Variants in WASF3 observed in about 807,000 individuals in gnomAD.
WASF3 encodes actin-binding protein WASF3.
Under a neutral mutation model 46.6 loss-of-function variants are expected in WASF3, and 11 were observed. The ratio of observed to expected loss-of-function variants is 0.24; its 90% confidence interval spans 0.15 to 0.39. The LOEUF is 0.39. WASF3 is among the 10% of genes least tolerant of loss of function. The pLI is 1.00. For synonymous variants in WASF3, 242 were observed against 259.7 expected (o/e 0.93, Z 0.65); for missense variants, 576 against 669.8 (o/e 0.86, Z 1.55).
rs370547480 is a variant in WASF3 at position 26,642,423 on chromosome 13, A to T, written c.133+20A>T. The T allele has an allele frequency of 1.9e-6, 3 of 1,569,580 alleles. No homozygotes were observed. Among genetic ancestry groups the T allele is most frequent in the Admixed American group, 2.1e-5 (1 of 47,914 alleles). On this transcript the variant is annotated intron_variant, in intron 3 of 9. Transcript: ENST00000335327. The stretch of plus-strand genomic sequence containing the variant: ...GTCTGAGTAAGCCATCTTTTTTCTG[A>T]TTACCAATGACATTAACTTTTTGTT...
intron 2 of WASF3, among the ~76,000 whole-genome samples, chr13:26,616,158 A>G (rs895850993): frequency 6.6e-6 from 1 of 152,214 alleles, no homozygotes; most frequent in South Asian, 2.1e-4. Context: ...GGATCGTGTG[A>G]TAAGTGTATG....
intron 1 of WASF3, among the ~76,000 whole-genome samples, chr13:26,572,677 C>T (rs931046508): frequency 1.3e-5 from 2 of 151,948 alleles, no homozygotes; most frequent in African/African-American, 2.4e-5. Context: ...GCGATTCTGC[C>T]GAGTAGCTGA....
rs1883443750 is a variant in WASF3 at position 26,687,485 on chromosome 13, A to G, written c.*1640A>G. The G allele has an allele frequency of 6.6e-6, 1 of 152,120 alleles. No individual in the cohort carries two copies. Among genetic ancestry groups the G allele is most frequent in the Admixed American group, 6.5e-5 (1 of 15,278 alleles). The allele number at this position is 152,120 out of a possible 1,614,324, so 9.4% of individuals were successfully genotyped here. ...GGGCTTGTGGGCAGTGATTGTACAG[A>G]GCCTGTCCATTGGGTGCAGTCATGT... On this transcript the variant is annotated 3_prime_UTR_variant, in exon 10 of 10. Coordinates refer to ENST00000335327, the MANE Select transcript of WASF3 (RefSeq NM_006646.6).
chr13:26,587,610 A>G (rs1285842940), intron 1 of WASF3, among the ~76,000 whole-genome samples: 1 of 152,190 alleles, frequency 6.6e-6, no homozygotes, highest in African/African-American at 2.4e-5. Flanking sequence ...ATTATGATTG[A>G]AATAAGGATG....
In WASF3 at chr13:26,633,740, G is replaced by A. The variant is rs371712643; in HGVS notation, c.-10-8521G>A. The stretch of plus-strand genomic sequence containing the variant: ...ACATCTTTATTTCTGCCTTCATTTC[G>A]TTATGTACCCAGTAGTCATTCAGGA... On this transcript the variant is annotated intron_variant, in intron 2 of 9. Transcript: ENST00000335327. Among the ~76,000 whole-genome samples the A allele has an allele frequency of 5.9e-5, 9 of 152,164 alleles. No individual in the cohort carries two copies. The East Asian group carries it at 1.7e-3, about 29-fold the overall frequency.
chr13:26,583,925 G>T (rs1285774748), intron 1 of WASF3, among the ~76,000 whole-genome samples: 2 of 152,216 alleles, frequency 1.3e-5, no homozygotes, highest in African/African-American at 4.8e-5. Flanking sequence ...CCACAGATGT[G>T]ATCCACTTAA....
chr13:26,654,060 C>A (rs1882396890), intron 3 of WASF3, among the ~76,000 whole-genome samples: 1 of 152,056 alleles, frequency 6.6e-6, no homozygotes, highest in Non-Finnish European at 1.5e-5. Flanking sequence ...AGTCTGTATG[C>A]CTGTTAGCTG....
At chr13:26,647,642 G>A (rs1882188855) in intron 3 of WASF3, among the ~76,000 whole-genome samples, 1 of 151,928 alleles carries the variant, frequency 6.6e-6, no homozygotes, top group Admixed American at 6.6e-5. Context: ...TACCTCATAT[G>A]TATGGTTTTG....
At chr13:26,621,572 T>C (rs180959249) in intron 2 of WASF3, among the ~76,000 whole-genome samples, 212 of 152,256 alleles carry the variant, frequency 1.4e-3, no homozygotes, top group Non-Finnish European at 1.9e-3. Context: ...CCTAGTCCTT[T>C]GCTGCTTCAC....
chr13:26,551,368 A>C, the WASF3 span, among the ~76,000 whole-genome samples: 1 of 152,160 alleles, frequency 6.6e-6, no homozygotes, highest in Non-Finnish European at 1.5e-5. Context: ...CACCATGGGA[A>C]TATCTAAGTC....
At chr13:26,674,241 G>A (rs887016984) in intron 6 of WASF3, among the ~76,000 whole-genome samples, 1 of 152,128 alleles carries the variant, frequency 6.6e-6, no homozygotes. Context: ...CTTCATCCCT[G>A]AATTTGTCAG....
chr13:26,609,903 A>G (rs1465208578), intron 1 of WASF3, among the ~76,000 whole-genome samples: 1 of 152,230 alleles, frequency 6.6e-6, no homozygotes, highest in Non-Finnish European at 1.5e-5. Flanking sequence ...CAAAAATCTT[A>G]GAAGAGTACT....
chr13:26,680,093 G>T (rs1339842219), intron 7 of WASF3: 1 of 1,598,106 alleles, frequency 6.3e-7, no homozygotes. Context: ...AGAAAAGTCA[G>T]AACAAGAAAA....
At chr13:26,609,212 A>T (rs1880896346) in intron 1 of WASF3, among the ~76,000 whole-genome samples, 1 of 152,172 alleles carries the variant, frequency 6.6e-6, no homozygotes, top group Non-Finnish European at 1.5e-5. Context: ...GATGTCGTGG[A>T]TAAGTAAGAT....
chr13:26,672,031 A>G (rs369655936), intron 6 of WASF3, 42 bp downstream of exon 6: 3 of 1,377,840 alleles, frequency 2.2e-6, no homozygotes, highest in African/African-American at 2.9e-5. Flanking sequence ...TCAGTGTTCA[A>G]AGGAGATTCT....
chr13:26,633,674 G>T (rs9512295), intron 2 of WASF3, among the ~76,000 whole-genome samples: 4,386 of 152,272 alleles, frequency 0.029, 92 homozygotes, highest in South Asian at 0.047. Context: ...GTGTCCCAGA[G>T]ATTCTGGTAT....
intron 3 of WASF3, among the ~76,000 whole-genome samples, chr13:26,662,276 A>G (rs1386830103): frequency 2.0e-5 from 3 of 152,248 alleles, no homozygotes; most frequent in Non-Finnish European, 2.9e-5. Context: ...CAGAACTACC[A>G]TTCCGTCCAG....
At chr13:26,540,196 C>G in the WASF3 span, among the ~76,000 whole-genome samples, 1 of 152,138 alleles carries the variant, frequency 6.6e-6, no homozygotes, top group Non-Finnish European at 1.5e-5. Flanking sequence ...AATGCCAGTT[C>G]CTGCTCCTCC....
intron 2 of WASF3, chr13:26,641,394 T>G (rs1210681577): frequency 6.6e-6 from 1 of 152,174 alleles, no homozygotes; most frequent in Non-Finnish European, 1.5e-5. Context: ...GTTAGCAGCC[T>G]AGGTGTACCA....
Sources: gnomAD v4.1 joint callset for allele counts (sites outside exome capture counted in the v4.1 genomes callset) on GRCh38, gnomAD v4.1.1 for gene constraint, MANE v1.5 for transcripts, NCBI Gene and HGNC (gene_info 2026-07-23, HGNC 2026-07-21) for gene names.